PAXIP1: variants seen among roughly 807,000 people sequenced by gnomAD.
PAXIP1 encodes the protein PAX interacting protein 1.
A neutral mutation model predicts 140.6 loss-of-function variants in PAXIP1; 19 were observed. The ratio of observed to expected loss-of-function variants is 0.14; its 90% CI spans 0.09 to 0.20. The LOEUF (loss-of-function observed/expected upper bound fraction) is 0.20. Ranked by LOEUF, PAXIP1 falls within the 10% of genes least tolerant of loss-of-function variation. The pLI, the probability that PAXIP1 is intolerant of heterozygous loss-of-function variation, is 1.00. For synonymous variants in PAXIP1, 442 were observed against 444.6 expected (o/e 0.99, Z 0.07); for missense variants, 920 against 1,208.6 (o/e 0.76, Z 3.54).
Position 154,955,540 on chromosome 7 carries a change from G to C in PAXIP1, c.2641C>G (p.Gln881Glu), listed in dbSNP as rs928845973. Residue 881 changes from glutamine (Q) to glutamate (E), a missense_variant, in exon 15 of 21, where the codon CAG becomes GAG. By Grantham distance (29) the Gln-to-Glu change is conservative. Around this residue, in one of 5 missense-constraint regions of PAXIP1, gnomAD observed 303 missense variants for 517.9 expected, o/e 0.59. Coordinates refer to ENST00000404141, the MANE Select transcript of PAXIP1 (RefSeq NM_007349.4). ...FTGFEPVQVQ[Q>E]YIKKLYILGG... ...AGATGAAATTTCACCTTAATATACT[G>C]TTGAACCTGGACAGGCTCGAATCCA... is the stretch of plus-strand genomic sequence containing the variant. 10 of 1,606,570 alleles carry C rather than the reference G, an allele frequency of 6.2e-6. No homozygotes were observed. In the East Asian group the frequency reaches 2.2e-4, roughly 36 times the overall value.
intron 6 of PAXIP1, among the ~76,000 whole-genome samples, chr7:154,972,268 C>T (rs1809364418): frequency 6.6e-6 from 1 of 152,170 alleles, no homozygotes; most frequent in Non-Finnish European, 1.5e-5. Context: ...AGGCAGATCA[C>T]CTGAAGTCAG....
Position 154,956,927 on chromosome 7 carries a change from C to G in PAXIP1, c.2549+297G>C, listed in dbSNP as rs1248228333. ...TGGGGCTCCGTGGTCTATCTCTGAG[C>G]TGGGTTCTAGACCTCCCACCCCACT... On this transcript the variant is annotated intron_variant, in intron 14 of 20. Coordinates refer to ENST00000404141, the MANE Select transcript of PAXIP1 (RefSeq NM_007349.4). The surrounding 1 kb of genome is among the most constrained non-coding windows in gnomAD (Gnocchi z 4.2). The G allele has an allele frequency of 4.2e-6, 1 of 239,652 alleles. No individual in the cohort carries two copies. The highest frequency in any genetic ancestry group is 8.0e-6 in the Non-Finnish European group (1 of 125,172). The allele number at this position is 239,652 out of a possible 1,614,324, so 14.8% of individuals were successfully genotyped here. A position where few individuals can be genotyped will look rare whatever the true frequency, so the allele number is the denominator to read the frequency against.
intron 5 of PAXIP1, among the ~76,000 whole-genome samples, chr7:154,979,521 C>A (rs544945800): frequency 6.6e-5 from 10 of 151,864 alleles, no homozygotes; most frequent in African/African-American, 2.4e-4. Context: ...TTATAAAATA[C>A]AATAATTTAA....
intron 1 of PAXIP1, among the ~76,000 whole-genome samples, chr7:155,002,263 G>A (rs879696310): frequency 6.6e-5 from 10 of 152,358 alleles, no homozygotes; most frequent in Non-Finnish European, 1.0e-4. Flanking sequence ...AATCAAGGAA[G>A]ACGAATGCCA....
intron 15 of PAXIP1, 68 bp downstream of exon 15, chr7:154,955,461 A>C: frequency 1.1e-6 from 1 of 872,920 alleles, no homozygotes; most frequent in Non-Finnish European, 1.9e-6. Context: ...AAAACTGCTG[A>C]TCTGAAGTAA....
intron 4 of PAXIP1, among the ~76,000 whole-genome samples, chr7:154,984,214 A>C (rs932928989): frequency 2.0e-5 from 3 of 152,214 alleles, no homozygotes; most frequent in Admixed American, 1.3e-4. Context: ...TGCTTCTCTA[A>C]GGGCAGTTAC....
chr7:154,985,480 C>T (rs1007014189), intron 4 of PAXIP1, among the ~76,000 whole-genome samples: 15 of 152,090 alleles, frequency 9.9e-5, no homozygotes, highest in Admixed American at 7.9e-4. Flanking sequence ...TCCTGTGCCC[C>T]GCTGCGCCCA....
In PAXIP1 at chr7:155,002,983, GC is replaced by G; in HGVS notation, c.-55del. The G allele has an allele frequency of 3.2e-6, 2 of 626,216 alleles. No individual in the cohort carries two copies. Among genetic ancestry groups the G allele is most frequent in the South Asian group, 7.8e-5 (1 of 12,798 alleles). 38.8% of individuals were successfully genotyped at this position (626,216 alleles called of 1,614,324 possible). On this transcript the variant is annotated 5_prime_UTR_variant, in exon 1 of 21. Transcript: ENST00000404141. ...CGGCGCCCGGCCCCGCCCACCCCCC[GC>G]CCCCGGCCCCCGCGGCGCCCGGCGC...
At chr7:154,996,731 C>T (rs1187796603) in intron 2 of PAXIP1, among the ~76,000 whole-genome samples, 1 of 152,116 alleles carries the variant, frequency 6.6e-6, no homozygotes, top group Non-Finnish European at 1.5e-5. Flanking sequence ...CCTTTTATTT[C>T]GCCTTCACAT....
chr7:154,948,873 CA>C (rs1246970262), intron 16 of PAXIP1: 1 of 151,872 alleles, frequency 6.6e-6, no homozygotes, highest in Non-Finnish European at 1.5e-5. Context: ...AAAGATTTAC[CA>C]AACACACATT....
At chr7:154,975,156 CAAA>C (rs61595965) in intron 6 of PAXIP1, among the ~76,000 whole-genome samples, 30 of 106,880 alleles carry the variant, frequency 2.8e-4, no homozygotes, top group East Asian at 5.5e-4. Flanking sequence ...GACTCCATCT[CAAA>C]AAAAAAAAAA....
intron 14 of PAXIP1, 130 bp downstream of exon 14, chr7:154,957,094 A>C (rs1808547702): frequency 1.5e-5 from 8 of 548,316 alleles, no homozygotes. Flanking sequence ...TAAAGTTGTA[A>C]AGCAAAAAGC....
rs1808882321 is a variant in PAXIP1, at chr7:154,963,933, GCACCATA to G, written c.1894-174_1894-168del. On this transcript the variant is annotated intron_variant, in intron 8 of 20. Transcript: ENST00000404141. This position sits in a 1 kb window ranked among gnomAD's most constrained non-coding sequence, Gnocchi z 4.1. ...TTCTATTTACGGACTTTTCTACCCA[GCACCATA>G]CAATGAAAATGAACTCCAATACTCT... 1.7e-6 allele frequency: 1 copy of G among 578,374 alleles called. No individual in the cohort carries two copies. The highest frequency in any genetic ancestry group is 1.9e-5 in the African/African-American group (1 of 53,380). The allele number at this position is 578,374 out of a possible 1,614,324, so 35.8% of individuals were successfully genotyped here. A position where few individuals can be genotyped will look rare whatever the true frequency, so the allele number is the denominator to read the frequency against.
chr7:154,949,957 G>A (rs985928335), intron 16 of PAXIP1: 8 of 152,064 alleles, frequency 5.3e-5, no homozygotes, highest in African/African-American at 1.7e-4. Flanking sequence ...CAGCTAAGAC[G>A]ATCCTGTCAC....
intron 5 of PAXIP1, among the ~76,000 whole-genome samples, chr7:154,982,000 T>C (rs1448114169): frequency 6.6e-6 from 1 of 152,208 alleles, no homozygotes; most frequent in East Asian, 1.9e-4. Context: ...CCCACTCTGT[T>C]CACACAGTGC....
chr7:154,983,322 T>G lies in PAXIP1; in HGVS notation c.335A>C (p.Glu112Ala). The change falls in exon 5 of 21, where the codon GAA becomes GCA. Residue 112 changes from glutamate (E) to alanine (A), a missense_variant. Glu to Ala is a moderately radical substitution (Grantham distance 107, BLOSUM62 -1). This residue lies in a region of PAXIP1 where 419 missense variants were observed against 514.7 expected (regional missense o/e 0.81). Transcript: ENST00000404141. ...CAAAGCCCACAGGGCACTTCTGTCT[T>G]CAGATGACACCTGACAGAAAGTTAG... Reference protein sequence around the residue: ...ITACLSQVSSEDRSALWALVT... With the variant: ...ITACLSQVSSADRSALWALVT... 1 of 1,573,986 alleles carries G rather than the reference T, an allele frequency of 6.4e-7. No individual in the cohort carries two copies.
intron 5 of PAXIP1, among the ~76,000 whole-genome samples, chr7:154,979,322 G>T (rs1329617030): frequency 6.6e-6 from 1 of 152,040 alleles, no homozygotes; most frequent in African/African-American, 2.4e-5. Context: ...AGTATAAAAG[G>T]TAGTTTTATT....
At position 154,946,702 on chromosome 7, in the gene PAXIP1, G is replaced by A. The variant is rs775515966; in HGVS notation, c.3034C>T (p.Leu1012Phe). The A allele has an allele frequency of 1.2e-6, 2 of 1,613,738 alleles. No homozygotes were observed. The highest frequency in any genetic ancestry group is 2.2e-5 in the South Asian group (2 of 91,038). The part of the protein sequence containing the change: ...VLSKQPSFRK[L>F]MEHKQNSSLS... ...ACCGAGTTCTGCTTGTGCTCCATGAGCTTCCGGAAAGATGGCTGCTTGGAT... is the reference window on the plus strand; with the variant it reads ...ACCGAGTTCTGCTTGTGCTCCATGAACTTCCGGAAAGATGGCTGCTTGGAT... Residue 1012 changes from leucine to phenylalanine, a missense_variant, in exon 18 of 21, where the codon CTC becomes TTC. Leu to Phe is a conservative substitution (Grantham distance 22). Coordinates refer to ENST00000404141, the MANE Select transcript of PAXIP1 (RefSeq NM_007349.4). This position sits in a 1 kb window ranked among gnomAD's most constrained non-coding sequence, Gnocchi z 4.9.
intron 3 of PAXIP1, among the ~76,000 whole-genome samples, chr7:154,993,227 A>C (rs1810428150): frequency 6.6e-6 from 1 of 152,188 alleles, no homozygotes; most frequent in African/African-American, 2.4e-5. Context: ...GCAAGCAAGG[A>C]AGCTCCCTGA....
Sources: gnomAD v4.1 joint callset for allele counts (sites outside exome capture counted in the v4.1 genomes callset) on GRCh38, gnomAD v4.1.1 for gene constraint, gnomAD v4.1.1 regional missense constraint, Gnocchi (gnomAD v3.1) non-coding constraint, MANE v1.5 for transcripts, NCBI Gene and HGNC (gene_info 2026-07-23, HGNC 2026-07-21) for gene names.